The following ABCA3 variants were observed in gnomAD, a reference collection of about 807,000 sequenced individuals.
The protein encoded by ABCA3 is ATP binding cassette subfamily A member 3, also known as phospholipid-transporting ATPase ABCA3.
A neutral mutation model predicts 172.8 loss-of-function variants in ABCA3; 88 were observed. The ratio of observed to expected loss-of-function variants is 0.51; its 90% CI spans 0.43 to 0.61. The LOEUF (loss-of-function observed/expected upper bound fraction) is 0.61, where lower values mean the gene tolerates loss of function less well. Ranked by LOEUF, ABCA3 falls within the 20% of genes least tolerant of loss-of-function variation. The pLI, the probability that ABCA3 is intolerant of heterozygous loss-of-function variation, is 0.00. For synonymous variants in ABCA3, 1,066 were observed against 983.8 expected, an observed-to-expected ratio of 1.08 and a Z score of -1.56; for missense variants, 2,164 against 2,301.0, an observed-to-expected ratio of 0.94 and a Z score of 1.22.
At position 2,301,027 on chromosome 16, in the gene ABCA3, G is replaced by A. The variant is rs538143120; in HGVS notation, c.1468-879C>T. Among the ~76,000 whole-genome samples the A allele has an allele frequency of 7.3e-3, 1,086 of 149,494 alleles. 6 individuals are homozygous for A. The highest frequency in any genetic ancestry group is 0.012 in the Non-Finnish European group (801 of 67,686). ...GGGCGGATCATGAGGTCAGGAGATC[G>A]AGACCATCCTGGCTAACACGGTGAA... On this transcript the variant is annotated intron_variant, in intron 12 of 32. Coordinates refer to ENST00000301732, the MANE Select transcript of ABCA3 (RefSeq NM_001089.3).
At chr16:2,282,223 A>T (rs887039191) in intron 26 of ABCA3, among the ~76,000 whole-genome samples, 1 of 152,180 alleles carries the variant, frequency 6.6e-6, no homozygotes, top group African/African-American at 2.4e-5. Flanking sequence ...CAGCTTCCCT[A>T]GTAGCTAGGA....
At chr16:2,333,791 CG>C (rs1160411690) in intron 1 of ABCA3, among the ~76,000 whole-genome samples, 1 of 151,404 alleles carries the variant, frequency 6.6e-6, no homozygotes, top group Non-Finnish European at 1.5e-5. Flanking sequence ...TGGGTTCAAG[CG>C]ATTCTGCTGC....
intron 19 of ABCA3, among the ~76,000 whole-genome samples, chr16:2,291,556 C>T (rs759079536): frequency 2.6e-5 from 4 of 152,218 alleles, no homozygotes; most frequent in African/African-American, 9.6e-5. Context: ...ACGCCTCTGA[C>T]GCCGTGTGCC....
rs201643902 is a variant in ABCA3 at position 2,283,193 on chromosome 16, C to A, written c.4028G>T (p.Arg1343Leu). The change falls in exon 26 of 33, where the codon CGG becomes CTG. Residue 1343 changes from arginine to leucine, a missense_variant. Arg to Leu is a moderately radical substitution (Grantham distance 102). Coordinates refer to ENST00000301732, the MANE Select transcript of ABCA3 (RefSeq NM_001089.3). This position sits in a 1 kb window ranked among gnomAD's most constrained non-coding sequence, Gnocchi z 5.4. The part of the protein sequence containing the change: ...RGILCALRRR[R>L]TLTELYTRMP... Reference sequence around the variant, plus strand: ...GCTCCCGGAGCCACTCACCAGTGTCCGCCTCCTCCGGAGGGCGCAGAGGAT... The same window carrying A: ...GCTCCCGGAGCCACTCACCAGTGTCAGCCTCCTCCGGAGGGCGCAGAGGAT... The A allele has an allele frequency of 1.2e-6, 2 of 1,612,846 alleles. No individual in the cohort carries two copies. Among genetic ancestry groups the A allele is most frequent in the Non-Finnish European group, 1.7e-6 (2 of 1,179,912 alleles).
chr16:2,324,483 T>C lies in ABCA3; in HGVS notation c.368A>G (p.Asp123Gly). 1 of 1,610,816 alleles carries C rather than the reference T, an allele frequency of 6.2e-7. No homozygotes were observed. Among genetic ancestry groups the C allele is most frequent in the Non-Finnish European group, 8.5e-7 (1 of 1,179,920 alleles). ...GGCCAGCACGCTGGACGAGCAGTTG[T>C]CGTACCTAATGTAGTCCTCAAAGTC... Reference protein sequence around the residue: ...EKDFEDYIRYDNCSSSVLAAV... With the variant: ...EKDFEDYIRYGNCSSSVLAAV... The change falls in exon 6 of 33, where the codon GAC becomes GGC. Residue 123 changes from aspartate to glycine, a missense_variant. Coordinates refer to ENST00000301732, the MANE Select transcript of ABCA3 (RefSeq NM_001089.3).
At chr16:2,319,103 G>A (rs1215443568) in intron 8 of ABCA3, among the ~76,000 whole-genome samples, 2 of 152,056 alleles carry the variant, frequency 1.3e-5, no homozygotes, top group East Asian at 3.9e-4. Context: ...GCTCATGCCT[G>A]TAATCCCAGC....
Position 2,297,413 on chromosome 16 carries a change from C to G in ABCA3, c.2179G>C (p.Asp727His), listed in dbSNP as rs538865197. 3 of 1,613,758 alleles carry G rather than the reference C, an allele frequency of 1.9e-6. No individual in the cohort carries two copies. The African/African-American group carries it at 4.0e-5, about 22-fold the overall frequency. ...ATGGCGATGCGGTCTCCCAGCAGGTCAGCCTCGTCCATGAAGTGGGTGGTC... is the reference window on the plus strand; with the variant it reads ...ATGGCGATGCGGTCTCCCAGCAGGTGAGCCTCGTCCATGAAGTGGGTGGTC... The part of the protein sequence containing the change: ...VLTTHFMDEA[D>H]LLGDRIAIMA... Residue 727 changes from aspartate (D) to histidine (H), a missense_variant, in exon 17 of 33, where the codon GAC becomes CAC. Coordinates refer to ENST00000301732, the MANE Select transcript of ABCA3 (RefSeq NM_001089.3). This position sits in a 1 kb window ranked among gnomAD's most constrained non-coding sequence, Gnocchi z 5.6.
At chr16:2,298,778 C>A (rs1194894991) in intron 14 of ABCA3, among the ~76,000 whole-genome samples, 1 of 152,126 alleles carries the variant, frequency 6.6e-6, no homozygotes, top group Admixed American at 6.6e-5. Context: ...GAGAAACCCA[C>A]GACACACACA....
At chr16:2,290,569 G>A (rs1341679298) in intron 19 of ABCA3, among the ~76,000 whole-genome samples, 1 of 152,166 alleles carries the variant, frequency 6.6e-6, no homozygotes, top group Non-Finnish European at 1.5e-5. Context: ...CCTCAGAGCC[G>A]GCTGACTCCA....
chr16:2,290,672 G>A (rs897552803), intron 19 of ABCA3, among the ~76,000 whole-genome samples: 3 of 152,192 alleles, frequency 2.0e-5, no homozygotes, highest in African/African-American at 7.2e-5. Flanking sequence ...TCGGTCCTGT[G>A]TGGGACACAG....
chr16:2,307,851 G>A (rs1027433405), intron 11 of ABCA3, among the ~76,000 whole-genome samples: 7 of 152,016 alleles, frequency 4.6e-5, no homozygotes, highest in Non-Finnish European at 8.8e-5. Flanking sequence ...GTGATCCACC[G>A]GCCTCAGCCT....
intron 10 of ABCA3, 90 bp downstream of exon 10, chr16:2,317,193 C>G (rs2093717289): frequency 6.3e-7 from 1 of 1,585,840 alleles, no homozygotes; most frequent in Non-Finnish European, 8.6e-7. Flanking sequence ...CCAGGCCACT[C>G]TCCCTTCCGA....
chr16:2,278,194 C>T lies in ABCA3; in HGVS notation c.4718+94G>A. 6.3e-7 allele frequency: 1 copy of T among 1,597,794 alleles called. No homozygotes were observed. Among genetic ancestry groups the T allele is most frequent in the South Asian group, 1.1e-5 (1 of 90,838 alleles). On this transcript the variant is annotated intron_variant, in intron 30 of 32. Transcript: ENST00000301732. This position sits in a 1 kb window ranked among gnomAD's most constrained non-coding sequence, Gnocchi z 4.4. ...GCTCAGTGTGGCTCACGGGCAGACTCTGCACCAGATGCTGATGGGTCTCCT... is the reference window on the plus strand; with the variant it reads ...GCTCAGTGTGGCTCACGGGCAGACTTTGCACCAGATGCTGATGGGTCTCCT...
intron 10 of ABCA3, among the ~76,000 whole-genome samples, chr16:2,313,004 G>A (rs1452587819): frequency 6.6e-6 from 1 of 151,946 alleles, no homozygotes; most frequent in Non-Finnish European, 1.5e-5. Flanking sequence ...GCAGTGAGTC[G>A]AGATCAGGCC....
intron 12 of ABCA3, among the ~76,000 whole-genome samples, chr16:2,301,458 G>A (rs1380082995): frequency 2.6e-5 from 4 of 152,142 alleles, no homozygotes; most frequent in African/African-American, 9.7e-5. Flanking sequence ...TGTCATCCCA[G>A]CACTTTGGGA....
rs2093719049 is a variant in ABCA3, at chr16:2,317,907, A to G, written c.874-143T>C. ...GGGTCTTACTATGTCGGCCAGGCTC[A>G]TCTTGCTCAAACTCCTGGGCTCAAG... On this transcript the variant is annotated intron_variant, in intron 8 of 32. Transcript: ENST00000301732. 4 of 723,858 alleles carry G rather than the reference A, an allele frequency of 5.5e-6. No homozygotes were observed. The East Asian group carries it at 1.1e-4, about 19-fold the overall frequency. The allele number at this position is 723,858 out of a possible 1,614,324, so 44.8% of individuals were successfully genotyped here.
chr16:2,292,473 G>T (rs915542010), intron 18 of ABCA3, among the ~76,000 whole-genome samples: 2 of 151,952 alleles, frequency 1.3e-5, no homozygotes, highest in African/African-American at 4.8e-5. Flanking sequence ...GGTAGCAGGT[G>T]CCTGTAGTCC....
intron 20 of ABCA3, 112 bp from the exon 21 acceptor site, chr16:2,288,441 C>T: frequency 7.7e-7 from 1 of 1,292,418 alleles, no homozygotes; most frequent in Non-Finnish European, 1.1e-6. Context: ...GGGCCTGCAG[C>T]TGAGGTTGCA....
At chr16:2,289,399 T>TCCCCCCCCCCCCCCCC in intron 20 of ABCA3, 35 bp downstream of exon 20, 1 of 1,544,356 alleles carries the variant, frequency 6.5e-7, no homozygotes, top group East Asian at 2.4e-5. Flanking sequence ...TGCTCGCCCT[T>TCCCCCCCCCCCCCCCC]CCCCCGCCAC....
Sources: allele counts gnomAD v4.1 joint callset (sites outside exome capture counted in the v4.1 genomes callset), GRCh38; gene constraint gnomAD v4.1.1; non-coding constraint Gnocchi (gnomAD v3.1); transcripts MANE v1.5; gene names NCBI Gene and HGNC (gene_info 2026-07-23, HGNC 2026-07-21).